The following ST3GAL3 variants were observed in gnomAD, a reference collection of about 807,000 sequenced individuals.
ST3GAL3 encodes ST3 beta-galactoside alpha-2,3-sialyltransferase 3.
ST3GAL3 carries 21 observed loss-of-function variants against 50.1 expected under a neutral mutation model. That is an observed-to-expected ratio of 0.42 (90% CI 0.30 to 0.60). ST3GAL3 has a LOEUF of 0.60. Ranked by LOEUF, ST3GAL3 falls within the 20% of genes least tolerant of loss-of-function variation. The pLI is 0.19. For missense variants in ST3GAL3, 353 were observed against 489.4 expected, an observed-to-expected ratio of 0.72 and a Z score of 2.63; for synonymous variants, 183 against 190.0, an observed-to-expected ratio of 0.96 and a Z score of 0.30.
chr1:43,847,219 C>A (rs1425403907), intron 5 of ST3GAL3, among the ~76,000 whole-genome samples: 2 of 152,186 alleles, frequency 1.3e-5, no homozygotes, highest in Non-Finnish European at 2.9e-5. Context: ...AAATGTACAA[C>A]AACTTTGGAA....
At chr1:43,782,560 C>CTT (rs1699710958) in intron 2 of ST3GAL3, among the ~76,000 whole-genome samples, 2 of 15,034 alleles carry the variant, frequency 1.3e-4, no homozygotes, top group East Asian at 2.5e-3. Flanking sequence ...CTTATTTTCA[C>CTT]TGTTTCTCCC....
intron 5 of ST3GAL3, among the ~76,000 whole-genome samples, chr1:43,867,013 G>A (rs1043291909): frequency 6.6e-6 from 1 of 152,080 alleles, no homozygotes; most frequent in African/African-American, 2.4e-5. Context: ...GTCTGTAATC[G>A]CAGCTACTTG....
intron 5 of ST3GAL3, among the ~76,000 whole-genome samples, chr1:43,860,836 T>C (rs1230622895): frequency 6.6e-6 from 1 of 152,228 alleles, no homozygotes; most frequent in Non-Finnish European, 1.5e-5. Flanking sequence ...TTCCAGCCTG[T>C]AACTGGGCCT....
intron 1 of ST3GAL3, among the ~76,000 whole-genome samples, chr1:43,715,632 A>G (rs1278051643): frequency 6.6e-6 from 1 of 151,966 alleles, no homozygotes; most frequent in Non-Finnish European, 1.5e-5. Context: ...TCTTCAAAAA[A>G]TTAAAAAATT....
At chr1:43,875,555 C>G (rs1418866857) in intron 5 of ST3GAL3, among the ~76,000 whole-genome samples, 1 of 152,128 alleles carries the variant, frequency 6.6e-6, no homozygotes, top group Non-Finnish European at 1.5e-5. Flanking sequence ...GTGATTGGAT[C>G]ATGGGGGGTT....
chr1:43,711,791 A>G (rs1431961243), intron 1 of ST3GAL3, among the ~76,000 whole-genome samples: 1 of 152,258 alleles, frequency 6.6e-6, no homozygotes, highest in Non-Finnish European at 1.5e-5. Flanking sequence ...AGTAACAAAT[A>G]CAGCAATGGT....
At chr1:43,840,164 C>T (rs1199247929) in intron 5 of ST3GAL3, 1 of 151,896 alleles carries the variant, frequency 6.6e-6, no homozygotes, top group African/African-American at 2.4e-5. Flanking sequence ...GTAGTTGGGA[C>T]TCCAGGCGCA....
chr1:43,782,793 G>A (rs1251353776), intron 2 of ST3GAL3, among the ~76,000 whole-genome samples: 1 of 152,124 alleles, frequency 6.6e-6, no homozygotes, highest in African/African-American at 2.4e-5. Flanking sequence ...TGGCAAATAT[G>A]AACTTGAAAC....
chr1:43,926,648 G>A (rs2084011822), intron 11 of ST3GAL3, among the ~76,000 whole-genome samples: 1 of 152,070 alleles, frequency 6.6e-6, no homozygotes, highest in Non-Finnish European at 1.5e-5. Context: ...TGTGACATGG[G>A]ATGGACATCA....
chr1:43,759,158 A>G (rs532541292), intron 2 of ST3GAL3, among the ~76,000 whole-genome samples: 1 of 152,000 alleles, frequency 6.6e-6, no homozygotes, highest in South Asian at 2.1e-4. Flanking sequence ...ATAAAAGAAA[A>G]AACTAGGCTG....
intron 2 of ST3GAL3, among the ~76,000 whole-genome samples, chr1:43,774,302 G>A (rs1439119713): frequency 6.6e-6 from 1 of 152,096 alleles, no homozygotes; most frequent in African/African-American, 2.4e-5. Context: ...GTTTCACTGA[G>A]CACATGGAAC....
At chr1:43,892,877 A>G (rs1274952835) in intron 5 of ST3GAL3, among the ~76,000 whole-genome samples, 9 of 152,214 alleles carry the variant, frequency 5.9e-5, no homozygotes, top group African/African-American at 1.9e-4. Context: ...CACATAGACC[A>G]TGACCAGGAT....
chr1:43,783,463 C>G (rs1700009208), intron 2 of ST3GAL3, among the ~76,000 whole-genome samples: 1 of 152,198 alleles, frequency 6.6e-6, no homozygotes, highest in Admixed American at 6.5e-5. Context: ...GGCTGTCTTT[C>G]ATTTGAGACT....
chr1:43,822,873 A>G (rs2062288113), intron 4 of ST3GAL3, among the ~76,000 whole-genome samples: 1 of 152,084 alleles, frequency 6.6e-6, no homozygotes, highest in African/African-American at 2.4e-5. Flanking sequence ...GGCATCTCAC[A>G]CTTAACATGT....
At chr1:43,928,956 A>T (rs1017719386) in intron 11 of ST3GAL3, among the ~76,000 whole-genome samples, 1 of 152,184 alleles carries the variant, frequency 6.6e-6, no homozygotes, top group Non-Finnish European at 1.5e-5. Flanking sequence ...GTGAAGCTCA[A>T]TGCTGACAAA....
At chr1:43,714,354 G>A (rs1158947868) in intron 1 of ST3GAL3, among the ~76,000 whole-genome samples, 7 of 150,840 alleles carry the variant, frequency 4.6e-5, no homozygotes, top group Non-Finnish European at 7.4e-5. Flanking sequence ...TTGGGAGGCC[G>A]AGGTGGGCGG....
chr1:43,718,401 G>A (rs1668541490), intron 1 of ST3GAL3, among the ~76,000 whole-genome samples: 1 of 151,276 alleles, frequency 6.6e-6, no homozygotes, highest in Admixed American at 6.6e-5. Flanking sequence ...GTGTTAGCCA[G>A]GATGGTCTCG....
intron 2 of ST3GAL3, chr1:43,771,987 G>A (rs1274925139): frequency 2.5e-6 from 1 of 397,626 alleles, no homozygotes; most frequent in Admixed American, 4.4e-5. Context: ...GGGAATATGA[G>A]AAGTCAACTG....
At chr1:43,721,151 G>A (rs1490223450) in intron 1 of ST3GAL3, among the ~76,000 whole-genome samples, 2 of 151,752 alleles carry the variant, frequency 1.3e-5, no homozygotes, top group Non-Finnish European at 2.9e-5. Context: ...AGGTTGAGGT[G>A]GGAGGATCAC....
Sources: gnomAD v4.1 joint callset for allele counts (sites outside exome capture counted in the v4.1 genomes callset) on GRCh38, gnomAD v4.1.1 for gene constraint, MANE v1.5 for transcripts, NCBI Gene and HGNC (gene_info 2026-07-23, HGNC 2026-07-21) for gene names.